Variants in RALGDS observed in about 807,000 individuals in gnomAD.
RALGDS encodes ral guanine nucleotide exchange factor.
A neutral mutation model predicts 99.8 loss-of-function variants in RALGDS; 44 were observed. The observed-to-expected ratio is 0.44, with a 90% CI of 0.35 to 0.57. The LOEUF (loss-of-function observed/expected upper bound fraction) is 0.57, where lower values mean the gene tolerates loss of function less well. RALGDS is among the 20% of genes least tolerant of loss of function. RALGDS has a pLI of 0.01. For missense variants in RALGDS, 1,022 were observed against 1,203.1 expected (o/e 0.85, Z 2.23); for synonymous variants, 529 against 505.0 (o/e 1.05, Z -0.64).
At chr9:133,122,355 T>C (rs1831981443), upstream of RALGDS, among the ~76,000 whole-genome samples, 1 of 152,248 alleles carries the variant, frequency 6.6e-6, no homozygotes, top group African/African-American at 2.4e-5. Flanking sequence ...AGGCCAGCAA[T>C]TGCTGCCAGC....
At chr9:133,111,743 T>C (rs73558442) in intron 2 of RALGDS, among the ~76,000 whole-genome samples, 4,199 of 152,230 alleles carry the variant, frequency 0.028, 196 homozygotes, top group African/African-American at 0.094. Flanking sequence ...TTCTGGGAGA[T>C]GGCAACTTGC....
At chr9:133,145,113 C>T (rs1198902707) in intron 1 of RALGDS, among the ~76,000 whole-genome samples, 1 of 152,180 alleles carries the variant, frequency 6.6e-6, no homozygotes. Context: ...CCTTGCTGAC[C>T]CCTGGATTTT....
intron 8 of RALGDS, 66 bp downstream of exon 8, chr9:133,106,579 A>G (rs1031735910): frequency 5.5e-6 from 7 of 1,272,748 alleles, no homozygotes; most frequent in Non-Finnish European, 6.7e-6. Flanking sequence ...GGGCTCACTA[A>G]GGGGGTGATG....
upstream of RALGDS, among the ~76,000 whole-genome samples, chr9:133,132,446 G>A (rs984932241): frequency 1.8e-4 from 28 of 152,098 alleles, no homozygotes; most frequent in Admixed American, 1.8e-3. Context: ...GTTTAACAGG[G>A]AGCTTACCAC....
chr9:133,109,718 G>A lies in RALGDS; in HGVS notation c.492C>T (p.Tyr164=), dbSNP rs373195557. The part of the protein sequence containing the change: ...QQVLDLLFKR[Y]GRCDALTASS... ...AGGCCGTGAGGGCGTCACATCTACC[G>A]TACCTGCTTATGACGTCTAGTGTTA... The change falls in exon 4 of 18, where the codon TAC becomes TAT. Residue 164 remains tyrosine (Y), a synonymous_variant. Coordinates refer to ENST00000372050, the MANE Select transcript of RALGDS (RefSeq NM_006266.4). 32 of 1,612,644 alleles carry A rather than the reference G, an allele frequency of 2.0e-5. No homozygotes were observed. The highest frequency in any genetic ancestry group is 2.2e-5 in the East Asian group (1 of 44,888).
rs1173154494 is a variant in RALGDS, at chr9:133,098,801, T to C, written c.2570-39A>G. ...GCAGAGGGGTGATCAGGGATGCTCC[T>C]GGGGGCCCTGCAGGATACCCCTACC... On this transcript the variant is annotated intron_variant, in intron 17 of 17. Transcript: ENST00000372050. The C allele has an allele frequency of 3.7e-6, 6 of 1,603,958 alleles. 1 individual carries two copies. In the South Asian group the frequency reaches 6.6e-5, roughly 18 times the overall value.
chr9:133,103,567 G>A (rs914731176), intron 11 of RALGDS, 180 bp downstream of exon 11: 1 of 744,720 alleles, frequency 1.3e-6, no homozygotes, highest in African/African-American at 1.7e-5. Flanking sequence ...CCTGAGGGAT[G>A]GGCTGTGTCC....
chr9:133,104,976 G>A lies in RALGDS; in HGVS notation c.1603-645C>T, dbSNP rs58776667. Among the ~76,000 whole-genome samples the A allele has an allele frequency of 3.0e-3, 454 of 152,302 alleles. 7 individuals are homozygous for A. Among genetic ancestry groups the A allele is most frequent in the African/African-American group, 0.01 (424 of 41,574 alleles). On this transcript the variant is annotated intron_variant, in intron 9 of 17. Transcript: ENST00000372050. ...GATGAGGAAACTATGGCCCTGAGAT[G>A]GGCAGTGACTTGCCCTGGGCCCCCC... is the stretch of plus-strand genomic sequence containing the variant.
At chr9:133,129,431 AC>A in intron 1 of RALGDS, 1 of 1,402,836 alleles carries the variant, frequency 7.1e-7, no homozygotes, top group East Asian at 2.7e-5. Flanking sequence ...GCCTGGTGTC[AC>A]CCGCGTGGCT....
intron 1 of RALGDS, among the ~76,000 whole-genome samples, chr9:133,116,638 G>A (rs752703816): frequency 1.3e-5 from 2 of 152,262 alleles, no homozygotes; most frequent in Non-Finnish European, 2.9e-5. Context: ...CCAAGGGGGT[G>A]CAGGGCAGCC....
At chr9:133,142,978 C>T (rs1832549679) in intron 1 of RALGDS, among the ~76,000 whole-genome samples, 1 of 152,266 alleles carries the variant, frequency 6.6e-6, no homozygotes, top group Non-Finnish European at 1.5e-5. Context: ...CCTTCCCCTT[C>T]CAGTGCCTCA....
chr9:133,109,299 G>A (rs919100817), intron 4 of RALGDS, among the ~76,000 whole-genome samples: 11 of 152,214 alleles, frequency 7.2e-5, no homozygotes, highest in African/African-American at 1.2e-4. Flanking sequence ...GTGAGGCAAT[G>A]TGAGAGCAGA....
chr9:133,109,561 C>A, intron 4 of RALGDS, 65 bp downstream of exon 4: 2 of 1,435,448 alleles, frequency 1.4e-6, no homozygotes, highest in Non-Finnish European at 2.0e-6. Context: ...CGGCCCCAGC[C>A]CCATGTACTC....
In RALGDS at chr9:133,121,099, A is replaced by C. The variant is rs1310147303; in HGVS notation, c.56T>G (p.Leu19Arg). The change falls in exon 1 of 18, where the codon CTG becomes CGG. Residue 19 changes from leucine (L) to arginine (R), a missense_variant. Transcript: ENST00000372050. ...GCGGCTCCGCCGGGAGCCCGGAAACAGCGGCTCGGCGCCGCCAGCAGGCCC... is the reference window on the plus strand; with the variant it reads ...GCGGCTCCGCCGGGAGCCCGGAAACCGCGGCTCGGCGCCGCCAGCAGGCCC... ...AAGPAGGAEP[L>R]FPGSRRSRSV... 14 of 1,474,544 alleles carry C rather than the reference A, an allele frequency of 9.5e-6. No homozygotes were observed. The Admixed American group carries it at 3.2e-4, about 34-fold the overall frequency. 91.3% of individuals were successfully genotyped at this position (1,474,544 alleles called of 1,614,324 possible). A position where few individuals can be genotyped will look rare whatever the true frequency, so the allele number is the denominator to read the frequency against.
chr9:133,105,109 C>T (rs1830953322), intron 9 of RALGDS, among the ~76,000 whole-genome samples: 1 of 152,312 alleles, frequency 6.6e-6, no homozygotes, highest in Non-Finnish European at 1.5e-5. Flanking sequence ...TCGTGCATGC[C>T]AGGGCCCCCA....
intron 1 of RALGDS, among the ~76,000 whole-genome samples, chr9:133,120,427 GA>G (rs1831862510): frequency 3.4e-5 from 1 of 29,006 alleles, no homozygotes; most frequent in African/African-American, 1.2e-4. Context: ...CCCATCCCCC[GA>G]CCCCCCCCCC....
chr9:133,143,801 TAATAATAATAATAATAATAA>T (rs1832575860), intron 1 of RALGDS, among the ~76,000 whole-genome samples: 1 of 139,084 alleles, frequency 7.2e-6, no homozygotes, highest in African/African-American at 3.1e-5. Context: ...ATAATAATAA[TAATAATAATAATAATAATAA>T]AATAAAGGAA....
rs756570212 is a variant in RALGDS, at chr9:133,110,285, C to T, written c.488+11G>A. On this transcript the variant is annotated intron_variant, in intron 3 of 17. Coordinates refer to ENST00000372050, the MANE Select transcript of RALGDS (RefSeq NM_006266.4). The stretch of plus-strand genomic sequence containing the variant: ...CCTGTGCACCCTGTGCAGTGGAGGG[C>T]TCATGCTCACCTTTTGAACAGCAGG... The T allele has an allele frequency of 2.5e-5, 41 of 1,611,996 alleles. No individual in the cohort carries two copies. Among genetic ancestry groups the T allele is most frequent in the Admixed American group, 5.0e-5 (3 of 60,000 alleles).
At chr9:133,116,375 C>T (rs760855635) in intron 1 of RALGDS, among the ~76,000 whole-genome samples, 24 of 152,246 alleles carry the variant, frequency 1.6e-4, no homozygotes, top group South Asian at 4.1e-4. Flanking sequence ...AGGCTGGGAA[C>T]CAACCAGTGC....
Sources: allele counts gnomAD v4.1 joint callset (sites outside exome capture counted in the v4.1 genomes callset), GRCh38; gene constraint gnomAD v4.1.1; transcripts MANE v1.5; gene names NCBI Gene and HGNC (gene_info 2026-07-23, HGNC 2026-07-21).